The following EPB41 variants were observed in gnomAD, a reference collection of about 807,000 sequenced individuals.
EPB41 encodes the protein protein 4.1.
A neutral mutation model predicts 108.0 loss-of-function variants in EPB41; 65 were observed. That is an observed-to-expected ratio of 0.60 (90% CI 0.49 to 0.74). The LOEUF (loss-of-function observed/expected upper bound fraction) is 0.74. Ranked by LOEUF, EPB41 falls within the 30% of genes least tolerant of loss-of-function variation. The pLI, the probability that EPB41 is intolerant of heterozygous loss-of-function variation, is 0.00. For synonymous variants in EPB41, 336 were observed against 358.9 expected (o/e 0.94, Z 0.72); for missense variants, 875 against 1,037.0 (o/e 0.84, Z 2.15).
intron 4 of EPB41, among the ~76,000 whole-genome samples, chr1:29,002,939 C>T (rs2149779349): frequency 6.6e-6 from 1 of 152,328 alleles, no homozygotes. Flanking sequence ...ACTGGAATCT[C>T]CTGTTTTCAG....
chr1:28,906,705 T>G (rs191156525), intron 1 of EPB41, among the ~76,000 whole-genome samples: 21 of 152,238 alleles, frequency 1.4e-4, no homozygotes, highest in African/African-American at 4.6e-4. Flanking sequence ...CAGTACATAG[T>G]AGAGGACAGT....
intron 5 of EPB41, among the ~76,000 whole-genome samples, chr1:29,015,185 T>C (rs941021272): frequency 2.0e-5 from 3 of 152,204 alleles, no homozygotes; most frequent in African/African-American, 7.2e-5. Context: ...CCTTAAGTGA[T>C]ATCTAAGCAA....
At position 29,115,846 on chromosome 1, in the gene EPB41, A is replaced by G; in HGVS notation, c.*6+43A>G. 6.7e-7 allele frequency: 1 copy of G among 1,483,440 alleles called. No homozygotes were observed. The highest frequency in any genetic ancestry group is 9.4e-7 in the Non-Finnish European group (1 of 1,062,226). The allele number at this position is 1,483,440 out of a possible 1,614,324, so 91.9% of individuals were successfully genotyped here. On this transcript the variant is annotated intron_variant, in intron 20 of 20. Coordinates refer to ENST00000343067, the MANE Select transcript of EPB41 (RefSeq NM_001376013.1). This position sits in a 1 kb window ranked among gnomAD's most constrained non-coding sequence, Gnocchi z 4.4. ...TGGGGCTGAGGGTGCCCACAGTCCC[A>G]GCCTGAGAGGGCTCTGGATGGGACC...
chr1:29,096,656 C>T (rs1043699464), intron 16 of EPB41: 28 of 935,206 alleles, frequency 3.0e-5, no homozygotes, highest in Non-Finnish European at 3.6e-5. Context: ...GGAAGAGGGC[C>T]AGAATCTGTC....
intron 16 of EPB41, 127 bp downstream of exon 16, chr1:29,065,285 G>T: frequency 7.2e-7 from 1 of 1,390,368 alleles, no homozygotes. Flanking sequence ...TATATTCATT[G>T]CTGCTTTAAG....
upstream of EPB41, among the ~76,000 whole-genome samples, chr1:28,914,003 C>A (rs2092395419): frequency 6.6e-6 from 1 of 152,088 alleles, no homozygotes; most frequent in Non-Finnish European, 1.5e-5. Flanking sequence ...ACAGCTGGCA[C>A]GAGAGGTAAA....
chr1:28,993,520 C>T lies in EPB41; in HGVS notation c.659C>T (p.Thr220Ile). 1 of 1,614,058 alleles carries T rather than the reference C, an allele frequency of 6.2e-7. No homozygotes were observed. Among genetic ancestry groups the T allele is most frequent in the Non-Finnish European group, 8.5e-7 (1 of 1,180,002 alleles). ...MHCKVSLLDDTVYECVVEKHA... is the reference protein window; with the variant it reads ...MHCKVSLLDDIVYECVVEKHA... The stretch of plus-strand genomic sequence containing the variant: ...TGCAAGGTTTCTTTGTTGGATGACA[C>T]AGTTTATGAATGTGTTGTGGAGGTG... The change falls in exon 3 of 21, where the codon ACA (threonine) becomes ATA (isoleucine). Residue 220 changes from threonine (T) to isoleucine (I), a missense_variant. Transcript: ENST00000343067.
rs1414172028 is a variant in EPB41 at position 29,032,383 on chromosome 1, G to A, written c.1213-710G>A. Among the ~76,000 whole-genome samples, 4 of 152,128 alleles carry A rather than the reference G, an allele frequency of 2.6e-5. No homozygotes were observed. The South Asian group carries it at 6.2e-4, about 24-fold the overall frequency. ...CCACAAGCTTTAAAAATTTAAGAGG[G>A]CATCTTCTGGGAAATTCTCAGTTAC... On this transcript the variant is annotated intron_variant, in intron 8 of 20. Coordinates refer to ENST00000343067, the MANE Select transcript of EPB41 (RefSeq NM_001376013.1).
chr1:29,097,829 C>T lies in EPB41; in HGVS notation c.2207C>T (p.Thr736Ile). ...GEGPPLVKTQ[T>I]VTISDNANAV... Reference sequence around the variant, plus strand: ...CAGCCTCCCCTGGTGAAGACACAAACTGTCACCATCTCAGATAATGCCAAT... The same window carrying T: ...CAGCCTCCCCTGGTGAAGACACAAATTGTCACCATCTCAGATAATGCCAAT... Residue 736 changes from threonine (T) to isoleucine (I), a missense_variant, in exon 17 of 21, where the codon ACT (threonine) becomes ATT (isoleucine). By Grantham distance (89) the Thr-to-Ile change is moderately conservative. Coordinates refer to ENST00000343067, the MANE Select transcript of EPB41 (RefSeq NM_001376013.1). 1 of 1,614,044 alleles carries T rather than the reference C, an allele frequency of 6.2e-7. No homozygotes were observed. The highest frequency in any genetic ancestry group is 1.7e-5 in the Admixed American group (1 of 60,018).
At chr1:28,932,194 C>T (rs916660428) in intron 1 of EPB41, among the ~76,000 whole-genome samples, 1 of 152,170 alleles carries the variant, frequency 6.6e-6, no homozygotes, top group Non-Finnish European at 1.5e-5. Flanking sequence ...ACTATCTCAG[C>T]TCACTGCAGC....
chr1:29,113,036 T>C (rs1043949853), intron 19 of EPB41, among the ~76,000 whole-genome samples: 4 of 152,192 alleles, frequency 2.6e-5, no homozygotes, highest in African/African-American at 9.6e-5. Flanking sequence ...CTGTGTGACC[T>C]TGGGCAAATC....
At chr1:28,996,425 C>A (rs1051220312) in intron 3 of EPB41, among the ~76,000 whole-genome samples, 2 of 152,024 alleles carry the variant, frequency 1.3e-5, no homozygotes, top group African/African-American at 4.8e-5. Context: ...TGAGGCATAC[C>A]TCATTTTCTT....
chr1:29,035,930 T>G lies in EPB41; in HGVS notation c.1463+7T>G. 4 of 1,585,104 alleles carry G rather than the reference T, an allele frequency of 2.5e-6. No homozygotes were observed. On this transcript the variant is annotated splice_region_variant and intron_variant, in intron 10 of 20. Transcript: ENST00000343067. The stretch of plus-strand genomic sequence containing the variant: ...AACATCACACGTTTTTCAGGTATTA[T>G]TCTCACTTAAGTATTTTTCAAGGAT...
chr1:28,925,893 T>A (rs1263951662), intron 1 of EPB41, among the ~76,000 whole-genome samples: 1 of 152,116 alleles, frequency 6.6e-6, no homozygotes, highest in Non-Finnish European at 1.5e-5. Flanking sequence ...TAGTACATGT[T>A]AAGTGAGCAG....
chr1:28,891,759 C>CTTT (rs2090133851), intron 1 of EPB41, among the ~76,000 whole-genome samples: 1 of 152,120 alleles, frequency 6.6e-6, no homozygotes, highest in Admixed American at 6.6e-5. Flanking sequence ...TGTTGAGATG[C>CTTT]TTTATCCAGG....
Position 29,118,850 on chromosome 1 carries a change from GAA to G in EPB41, c.*2040_*2041del, listed in dbSNP as rs1260631313. 1 of 152,288 alleles carries G rather than the reference GAA, an allele frequency of 6.6e-6. No individual in the cohort carries two copies. Among genetic ancestry groups the G allele is most frequent in the African/African-American group, 2.4e-5 (1 of 41,460 alleles). The allele number at this position is 152,288 out of a possible 1,614,324, so 9.4% of individuals were successfully genotyped here. A position where few individuals can be genotyped will look rare whatever the true frequency, so the allele number is the denominator to read the frequency against. On this transcript the variant is annotated 3_prime_UTR_variant, in exon 21 of 21. Transcript: ENST00000343067. The stretch of plus-strand genomic sequence containing the variant: ...GTCGTGTTGCCAGGAGTGGTGACAA[GAA>G]ATGCAGCTTACATCAAACGAACATG...
At chr1:28,958,703 C>T (rs1264142685) in intron 1 of EPB41, among the ~76,000 whole-genome samples, 1 of 149,420 alleles carries the variant, frequency 6.7e-6, no homozygotes, top group Non-Finnish European at 1.5e-5. Context: ...CTTGTGGTTT[C>T]AGCTACTCGG....
At chr1:29,033,354 C>CTA in intron 9 of EPB41, 109 bp downstream of exon 9, 1 of 1,290,844 alleles carries the variant, frequency 7.7e-7, no homozygotes, top group South Asian at 1.2e-5. Flanking sequence ...CTATAGTTAA[C>CTA]TATTGAAGGG....
intron 1 of EPB41, among the ~76,000 whole-genome samples, chr1:28,894,535 A>T (rs2090462026): frequency 6.6e-5 from 10 of 152,128 alleles, no homozygotes; most frequent in Admixed American, 6.6e-4. Flanking sequence ...CAGCACAGAG[A>T]GGGGCCTGGC....
Sources: allele counts gnomAD v4.1 joint callset (sites outside exome capture counted in the v4.1 genomes callset), GRCh38; gene constraint gnomAD v4.1.1; non-coding constraint Gnocchi (gnomAD v3.1); transcripts MANE v1.5; gene names NCBI Gene and HGNC (gene_info 2026-07-23, HGNC 2026-07-21).